TFEC: variants seen among roughly 807,000 people sequenced by gnomAD.
TFEC encodes the protein transcription factor EC.
TFEC carries 31 observed loss-of-function variants against 41.6 expected under a neutral mutation model. The observed-to-expected ratio is 0.74, with a 90% CI of 0.56 to 1.01. The LOEUF (loss-of-function observed/expected upper bound fraction) is 1.01, where lower values mean the gene tolerates loss of function less well. Ranked by LOEUF, TFEC falls within the 50% of genes least tolerant of loss-of-function variation. TFEC has a pLI of 0.00. For missense variants in TFEC, 402 were observed against 404.1 expected (o/e 0.99, Z 0.04); for synonymous variants, 143 against 140.6 (o/e 1.02, Z -0.12).
chr7:115,956,655 G>A, intron 4 of TFEC, 24 bp downstream of exon 4: 1 of 1,541,318 alleles, frequency 6.5e-7, no homozygotes, highest in South Asian at 1.2e-5. Context: ...AATAAAAAGG[G>A]TAAAACTATA....
rs1793269235 is a variant in TFEC at position 115,937,158 on chromosome 7, GAAA to G, written c.*3390_*3392del. On this transcript the variant is annotated 3_prime_UTR_variant, in exon 8 of 8. Coordinates refer to ENST00000265440, the MANE Select transcript of TFEC (RefSeq NM_012252.4). ...AAATGATTGGATGGGATATTTTGTT[GAAA>G]AAAGAATGAAAAACAATAAAATTAT... 1 of 151,122 alleles carries G rather than the reference GAAA, an allele frequency of 6.6e-6. No individual in the cohort carries two copies. The highest frequency in any genetic ancestry group is 2.1e-4 in the South Asian group (1 of 4,818). The allele number at this position is 151,122 out of a possible 1,614,324, so 9.4% of individuals were successfully genotyped here. A position where few individuals can be genotyped will look rare whatever the true frequency, so the allele number is the denominator to read the frequency against.
In TFEC at chr7:115,938,289, A is replaced by T. The variant is rs531683533; in HGVS notation, c.*2262T>A. ...TGAGAACTGAAGCCAGTCTCTATCT[A>T]ATAAAGTGGTGTGTTTTCTATGAAC... On this transcript the variant is annotated 3_prime_UTR_variant, in exon 8 of 8. Coordinates refer to ENST00000265440, the MANE Select transcript of TFEC (RefSeq NM_012252.4). 17 of 152,116 alleles carry T rather than the reference A, an allele frequency of 1.1e-4. No individual in the cohort carries two copies. In the South Asian group the frequency reaches 3.5e-3, roughly 31 times the overall value. The allele number at this position is 152,116 out of a possible 1,614,324, so 9.4% of individuals were successfully genotyped here. A position where few individuals can be genotyped will look rare whatever the true frequency, so the allele number is the denominator to read the frequency against.
At position 115,984,242 on chromosome 7, in the gene TFEC, T is replaced by C; in HGVS notation, c.180+20A>G. On this transcript the variant is annotated intron_variant, in intron 2 of 7. Coordinates refer to ENST00000265440, the MANE Select transcript of TFEC (RefSeq NM_012252.4). ...TTCAAAAACTGATGATATATTTTTA[T>C]AACCAGCCATTAGACATACATGCCA... 9 of 1,602,192 alleles carry C rather than the reference T, an allele frequency of 5.6e-6. No individual in the cohort carries two copies. Among genetic ancestry groups the C allele is most frequent in the Non-Finnish European group, 7.7e-6 (9 of 1,170,610 alleles).
intron 1 of TFEC, among the ~76,000 whole-genome samples, chr7:116,120,629 T>G (rs1798090515): frequency 6.6e-6 from 1 of 151,990 alleles, no homozygotes; most frequent in African/African-American, 2.4e-5. Context: ...CTAAAATTAT[T>G]TATTTGCTTT....
chr7:116,096,929 A>AAGT (rs906944882), intron 3 of TFEC, among the ~76,000 whole-genome samples: 1 of 152,060 alleles, frequency 6.6e-6, no homozygotes, highest in African/African-American at 2.4e-5. Flanking sequence ...ATCTCTACTA[A>AAGT]AAATACAAAA....
chr7:116,009,901 G>A (rs774161090), intron 1 of TFEC, among the ~76,000 whole-genome samples: 1 of 152,104 alleles, frequency 6.6e-6, no homozygotes, highest in African/African-American at 2.4e-5. Flanking sequence ...ATGATAGGAC[G>A]GAGAAATGCA....
At chr7:116,062,297 G>T (rs1364668441) in intron 3 of TFEC, among the ~76,000 whole-genome samples, 1 of 135,938 alleles carries the variant, frequency 7.4e-6, no homozygotes, top group Non-Finnish European at 1.5e-5. Flanking sequence ...TGGCCAGGCT[G>T]GTCTCAAACT....
chr7:115,985,444 C>T (rs1793809670), intron 1 of TFEC, among the ~76,000 whole-genome samples: 2 of 151,954 alleles, frequency 1.3e-5, no homozygotes, highest in African/African-American at 2.4e-5. Flanking sequence ...CTCAAGTGGC[C>T]TATATATAAA....
At chr7:115,960,056 GC>G (rs1278212854) in intron 3 of TFEC, among the ~76,000 whole-genome samples, 2 of 150,932 alleles carry the variant, frequency 1.3e-5, no homozygotes, top group Non-Finnish European at 3.0e-5. Context: ...TTTATAGAAT[GC>G]CTAATAAGAA....
At chr7:116,126,076 A>G (rs1798203057) in intron 1 of TFEC, among the ~76,000 whole-genome samples, 1 of 152,136 alleles carries the variant, frequency 6.6e-6, no homozygotes, top group African/African-American at 2.4e-5. Flanking sequence ...TTCAAATATG[A>G]TAGGGATTTA....
chr7:116,145,445 A>G (rs1296795946), intron 1 of TFEC, among the ~76,000 whole-genome samples: 2 of 152,158 alleles, frequency 1.3e-5, no homozygotes, highest in Non-Finnish European at 2.9e-5. Flanking sequence ...GCACTCATCA[A>G]CTCACAGCAC....
chr7:115,950,943 C>A lies in TFEC; in HGVS notation c.446G>T (p.Arg149Ile). 1 of 1,576,400 alleles carries A rather than the reference C, an allele frequency of 6.3e-7. No homozygotes were observed. Among genetic ancestry groups the A allele is most frequent in the Non-Finnish European group, 8.7e-7 (1 of 1,152,222 alleles). Residue 149 changes from arginine (R) to isoleucine (I), a missense_variant, in exon 6 of 8, where the codon AGA becomes ATA. By Grantham distance (97) the Arg-to-Ile change is moderately conservative. Coordinates refer to ENST00000265440, the MANE Select transcript of TFEC (RefSeq NM_012252.4). ...QKKDNHNLIE[R>I]RRRYNINYRI... ...GTAATTAATATTATACCTTCTTCTTCTTTCAACTATTAAAGAAGAAATATT... is the reference window on the plus strand; with the variant it reads ...GTAATTAATATTATACCTTCTTCTTATTTCAACTATTAAAGAAGAAATATT...
chr7:116,100,474 C>G (rs905105019), intron 3 of TFEC, among the ~76,000 whole-genome samples: 1 of 152,066 alleles, frequency 6.6e-6, no homozygotes, highest in Non-Finnish European at 1.5e-5. Flanking sequence ...GTATGCCAGT[C>G]TTCATGCTTT....
intron 3 of TFEC, among the ~76,000 whole-genome samples, chr7:116,084,951 C>T (rs1474039328): frequency 6.6e-6 from 1 of 151,794 alleles, no homozygotes; most frequent in Admixed American, 6.6e-5. Context: ...GTGCATTTAT[C>T]AACTTCGGGC....
At chr7:115,988,649 CAG>C (rs1013024963) in intron 1 of TFEC, among the ~76,000 whole-genome samples, 15 of 151,850 alleles carry the variant, frequency 9.9e-5, no homozygotes, top group African/African-American at 3.6e-4. Flanking sequence ...GAGAAAGAAA[CAG>C]AAACAATATT....
intron 6 of TFEC, among the ~76,000 whole-genome samples, chr7:115,945,899 T>C (rs1482270499): frequency 1.3e-5 from 2 of 151,756 alleles, no homozygotes; most frequent in Admixed American, 1.3e-4. Flanking sequence ...TCTGCTTTCA[T>C]GCTACAATGC....
chr7:115,951,501 A>G (rs763646241), intron 5 of TFEC, among the ~76,000 whole-genome samples: 6 of 152,122 alleles, frequency 3.9e-5, no homozygotes, highest in Non-Finnish European at 8.8e-5. Context: ...TATATTGATT[A>G]GGCTGTAAAT....
chr7:116,010,508 T>C (rs896295878), intron 1 of TFEC, among the ~76,000 whole-genome samples: 4 of 152,156 alleles, frequency 2.6e-5, no homozygotes, highest in Admixed American at 6.6e-5. Flanking sequence ...TTTAAACATA[T>C]TGAATTTTTG....
At chr7:115,982,196 AAGG>A (rs1350069978) in intron 2 of TFEC, among the ~76,000 whole-genome samples, 1 of 151,874 alleles carries the variant, frequency 6.6e-6, no homozygotes, top group Non-Finnish European at 1.5e-5. Context: ...ACAGGTGGAA[AAGG>A]CTTGGGAGAA....
Sources: allele counts gnomAD v4.1 joint callset (sites outside exome capture counted in the v4.1 genomes callset), GRCh38; gene constraint gnomAD v4.1.1; transcripts MANE v1.5; gene names NCBI Gene and HGNC (gene_info 2026-07-23, HGNC 2026-07-21).